Variants in NMNAT2 observed in about 807,000 individuals in gnomAD.
The protein encoded by NMNAT2 is nicotinamide/nicotinic acid mononucleotide adenylyltransferase 2.
A neutral mutation model predicts 41.6 loss-of-function variants in NMNAT2; 11 were observed. The ratio of observed to expected loss-of-function variants is 0.26; its 90% CI spans 0.17 to 0.44. The LOEUF (loss-of-function observed/expected upper bound fraction) is 0.44. NMNAT2 is among the 20% of genes least tolerant of loss of function. NMNAT2 has a pLI of 1.00. For missense variants in NMNAT2, 288 were observed against 407.7 expected (o/e 0.71, Z 2.53); for synonymous variants, 148 against 151.2 (o/e 0.98, Z 0.16).
chr1:183,270,702 C>T (rs1049358029), intron 8 of NMNAT2, among the ~76,000 whole-genome samples: 1 of 152,200 alleles, frequency 6.6e-6, no homozygotes, highest in African/African-American at 2.4e-5. Flanking sequence ...CAGCCAGAAT[C>T]CCCCATTGGC....
In NMNAT2 at chr1:183,293,760, C is replaced by T; in HGVS notation, c.119G>A (p.Arg40Lys). Reference sequence around the variant, plus strand: ...GACAATCCCGCCAATCACAATAAACCTTCCAGTTTTGTGCAGATAATCCCT... The same window carrying T: ...GACAATCCCGCCAATCACAATAAACTTTCCAGTTTTGTGCAGATAATCCCT... ...RARDYLHKTG[R>K]FIVIGGIVSP... The change falls in exon 2 of 11, where the codon AGG becomes AAG. Residue 40 changes from arginine to lysine, a missense_variant. Arg to Lys is a conservative substitution (Grantham distance 26). Transcript: ENST00000287713. 1 of 1,614,122 alleles carries T rather than the reference C, an allele frequency of 6.2e-7. No individual in the cohort carries two copies. Among genetic ancestry groups the T allele is most frequent in the Non-Finnish European group, 8.5e-7 (1 of 1,179,984 alleles).
intron 1 of NMNAT2, among the ~76,000 whole-genome samples, chr1:183,381,830 G>T (rs1358636398): frequency 6.6e-6 from 1 of 152,158 alleles, no homozygotes; most frequent in Non-Finnish European, 1.5e-5. Context: ...ATTACTATGA[G>T]TTACGAATTA....
In NMNAT2 at chr1:183,389,832, G is replaced by T. The variant is rs1415679563; in HGVS notation, c.85+28351C>A. On this transcript the variant is annotated intron_variant, in intron 1 of 10. Coordinates refer to ENST00000287713, the MANE Select transcript of NMNAT2 (RefSeq NM_015039.4). ...AGAAAGAAAGAAAGAAAGAAAGAAA[G>T]AAAGAAAGAAAGGAAAAAAGAGAAA... 3.8e-5 allele frequency among the ~76,000 whole-genome samples: 2 copies of T among 53,156 alleles called. 1 individual carries two copies. Among genetic ancestry groups the T allele is most frequent in the Non-Finnish European group, 7.4e-5 (2 of 26,956 alleles). 34.9% of individuals were successfully genotyped at this position (53,156 alleles called of 152,430 possible).
In NMNAT2 at chr1:183,418,092, A is replaced by T. The variant is rs140231995; in HGVS notation, c.85+91T>A. 467 of 1,243,172 alleles carry T rather than the reference A, an allele frequency of 3.8e-4. 1 individual carries two copies. The African/African-American group carries it at 6.2e-3, about 17-fold the overall frequency. The allele number at this position is 1,243,172 out of a possible 1,614,324, so 77.0% of individuals were successfully genotyped here. ...CCGGCCCACCCCTCCGAAGGGGCAC[A>T]CGCCTTCCCGTTCGATCGCCCTGGA... On this transcript the variant is annotated intron_variant, in intron 1 of 10. Coordinates refer to ENST00000287713, the MANE Select transcript of NMNAT2 (RefSeq NM_015039.4).
chr1:183,379,952 T>C (rs1663766491), intron 1 of NMNAT2, among the ~76,000 whole-genome samples: 1 of 152,266 alleles, frequency 6.6e-6, no homozygotes, highest in Non-Finnish European at 1.5e-5. Context: ...ATCATCATAC[T>C]TTAGTCCTTC....
chr1:183,267,877 C>T (rs955820657), intron 8 of NMNAT2, among the ~76,000 whole-genome samples: 1 of 152,060 alleles, frequency 6.6e-6, no homozygotes, highest in East Asian at 1.9e-4. Context: ...TGACCCCACA[C>T]CATGGGCAGG....
chr1:183,408,362 A>G (rs1448739384), intron 1 of NMNAT2, among the ~76,000 whole-genome samples: 1 of 152,214 alleles, frequency 6.6e-6, no homozygotes, highest in Non-Finnish European at 1.5e-5. Context: ...TGAATAGTAA[A>G]ATTTTATTTT....
intron 1 of NMNAT2, among the ~76,000 whole-genome samples, chr1:183,369,305 T>C (rs1012395053): frequency 6.6e-6 from 1 of 151,302 alleles, no homozygotes; most frequent in African/African-American, 2.4e-5. Context: ...TTTGACGGCA[T>C]CTTGCTCTGT....
intron 1 of NMNAT2, among the ~76,000 whole-genome samples, chr1:183,337,427 T>C (rs1662699896): frequency 6.6e-6 from 1 of 152,088 alleles, no homozygotes; most frequent in Admixed American, 6.5e-5. Context: ...CTATTTGATA[T>C]ATTATTTAGT....
chr1:183,393,245 G>C (rs1648532128), intron 1 of NMNAT2, among the ~76,000 whole-genome samples: 2 of 152,058 alleles, frequency 1.3e-5, no homozygotes, highest in African/African-American at 4.8e-5. Context: ...TAGTTTTCCA[G>C]CTTACAAAAT....
intron 1 of NMNAT2, among the ~76,000 whole-genome samples, chr1:183,350,290 T>C (rs1339845975): frequency 6.6e-6 from 1 of 152,172 alleles, no homozygotes; most frequent in African/African-American, 2.4e-5. Context: ...AGGGAGTCTC[T>C]GTTCCCAATC....
intron 1 of NMNAT2, among the ~76,000 whole-genome samples, chr1:183,367,520 G>C (rs1663439425): frequency 6.6e-6 from 1 of 152,114 alleles, no homozygotes; most frequent in Admixed American, 6.5e-5. Flanking sequence ...ATAACTTATA[G>C]TTTTATTATA....
intron 8 of NMNAT2, among the ~76,000 whole-genome samples, chr1:183,271,328 G>T (rs1306822765): frequency 1.3e-5 from 2 of 152,060 alleles, no homozygotes; most frequent in African/African-American, 2.4e-5. Flanking sequence ...CAAAGGTCTT[G>T]TTCCCCCCAC....
rs542992288 is a variant in NMNAT2, at chr1:183,273,246, CT to C, written c.651+5306del. On this transcript the variant is annotated intron_variant, in intron 8 of 10. Coordinates refer to ENST00000287713, the MANE Select transcript of NMNAT2 (RefSeq NM_015039.4). ...AGCCTACTCTGGCATGGGATGCCGC[CT>C]GATTCGTGAATTGTTCATTGCTCAA... Among the ~76,000 whole-genome samples, 103 of 152,358 alleles carry C rather than the reference CT, an allele frequency of 6.8e-4. 1 individual carries two copies. Among genetic ancestry groups the C allele is most frequent in the African/African-American group, 2.3e-3 (95 of 41,590 alleles).
At chr1:183,304,724 G>A (rs751693383) in intron 1 of NMNAT2, 5 of 1,614,052 alleles carry the variant, frequency 3.1e-6, no homozygotes, top group Non-Finnish European at 4.2e-6. Flanking sequence ...ATTTCCTCTA[G>A]TTCCTGGATT....
intron 1 of NMNAT2, among the ~76,000 whole-genome samples, chr1:183,300,051 G>A (rs1181917636): frequency 6.6e-6 from 1 of 152,098 alleles, no homozygotes; most frequent in Non-Finnish European, 1.5e-5. Context: ...TGGAATTACA[G>A]CCCCTATAAA....
chr1:183,341,736 A>AC (rs1557883690), intron 1 of NMNAT2, among the ~76,000 whole-genome samples: 2 of 138,134 alleles, frequency 1.4e-5, no homozygotes, highest in African/African-American at 5.6e-5. Context: ...AAAAAAAAAA[A>AC]AAAAAAAAAA....
At chr1:183,333,207 C>T (rs1252916538) in intron 1 of NMNAT2, among the ~76,000 whole-genome samples, 1 of 152,186 alleles carries the variant, frequency 6.6e-6, no homozygotes, top group Non-Finnish European at 1.5e-5. Context: ...CTCCAGCACT[C>T]AGAGGCATTT....
rs946382203 is a variant in NMNAT2 at position 183,319,693 on chromosome 1, T to G, written c.86-25900A>C. The stretch of plus-strand genomic sequence containing the variant: ...CTCTCTCTTTCTCTCTTCCTTTATT[T>G]TTTGGTTTCCACTATTCTATGTGTC... On this transcript the variant is annotated intron_variant, in intron 1 of 10. Transcript: ENST00000287713. Among the ~76,000 whole-genome samples, 5 of 152,208 alleles carry G rather than the reference T, an allele frequency of 3.3e-5. No individual in the cohort carries two copies. In the East Asian group the frequency reaches 7.7e-4, roughly 23 times the overall value.
Sources: allele counts gnomAD v4.1 joint callset (sites outside exome capture counted in the v4.1 genomes callset), GRCh38; gene constraint gnomAD v4.1.1; transcripts MANE v1.5; gene names NCBI Gene and HGNC (gene_info 2026-07-23, HGNC 2026-07-21).